LYPD3: variants seen among roughly 807,000 people sequenced by gnomAD.
LYPD3 encodes the protein LY6/PLAUR domain containing 3.
In LYPD3, 22 loss-of-function variants were observed where a neutral mutation model predicts 21.7. The ratio of observed to expected loss-of-function variants is 1.01; its 90% CI spans 0.72 to 1.45. The LOEUF is 1.45. LYPD3 is among the 40% of genes most tolerant of loss of function. The pLI, the probability that LYPD3 is intolerant of heterozygous loss-of-function variation, is 0.00. For synonymous variants in LYPD3, 179 were observed against 203.0 expected, an observed-to-expected ratio of 0.88 and a Z score of 1.00; for missense variants, 471 against 466.9, an observed-to-expected ratio of 1.01 and a Z score of -0.08.
Position 43,463,005 on chromosome 19 carries a change from C to A in LYPD3, c.544+121G>T, listed in dbSNP as rs112592579. On this transcript the variant is annotated intron_variant, in intron 4 of 4. Coordinates refer to ENST00000244333, the MANE Select transcript of LYPD3 (RefSeq NM_014400.3). ...CTACGATACAAGCACCTAGGCCCCA[C>A]GATTCCCAGAATGCGTCGCAGGTTA... 64 of 1,076,040 alleles carry A rather than the reference C, an allele frequency of 5.9e-5. No individual in the cohort carries two copies. The African/African-American group carries it at 8.8e-4, about 15-fold the overall frequency. The allele number at this position is 1,076,040 out of a possible 1,614,324, so 66.7% of individuals were successfully genotyped here.
intron 1 of LYPD3, among the ~76,000 whole-genome samples, chr19:43,464,897 C>T (rs1323237478): frequency 1.3e-5 from 2 of 151,806 alleles, no homozygotes; most frequent in African/African-American, 4.8e-5. Flanking sequence ...CTTCTCTGCC[C>T]AGGACAGGGA....
chr19:43,461,355 A>G lies in LYPD3; in HGVS notation c.1037T>C (p.Leu346Pro). 1 of 1,598,924 alleles carries G rather than the reference A, an allele frequency of 6.3e-7. No individual in the cohort carries two copies. Among genetic ancestry groups the G allele is most frequent in the Non-Finnish European group, 8.5e-7 (1 of 1,171,096 alleles). ...GAAATTTCCAGGTGGAGAAGCTCAC[A>G]GTAGGACACCAGCAGCCACGGCCAA... ...LLLAVAAGVLL is the reference protein window; with the variant it reads ...LLLAVAAGVLP The change falls in exon 5 of 5, where the codon CTG becomes CCG. Residue 346 changes from leucine (L) to proline (P), a missense_variant. Coordinates refer to ENST00000244333, the MANE Select transcript of LYPD3 (RefSeq NM_014400.3).
In LYPD3 at chr19:43,461,815, A is replaced by G; in HGVS notation, c.577T>C (p.Cys193Arg). The G allele has an allele frequency of 6.2e-7, 1 of 1,612,840 alleles. No homozygotes were observed. The highest frequency in any genetic ancestry group is 8.5e-7 in the Non-Finnish European group (1 of 1,178,924). Residue 193 changes from cysteine (C) to arginine (R), a missense_variant, in exon 5 of 5, where the codon TGT becomes CGT. Physicochemically the swap from Cys to Arg is radical, Grantham distance 180. Coordinates refer to ENST00000244333, the MANE Select transcript of LYPD3 (RefSeq NM_014400.3). ...NVTVSLPVRG[C>R]VQDEFCTRDG... ...CGAGTGCAGAATTCATCCTGGACACAGCCCCGGACAGGCAAGGACACAGTC... is the reference window on the plus strand; with the variant it reads ...CGAGTGCAGAATTCATCCTGGACACGGCCCCGGACAGGCAAGGACACAGTC...
chr19:43,463,157 G>A lies in LYPD3; in HGVS notation c.513C>T (p.Gly171=), dbSNP rs1353768766. The A allele has an allele frequency of 6.2e-7, 1 of 1,612,286 alleles. No homozygotes were observed. Among genetic ancestry groups the A allele is most frequent in the South Asian group, 1.1e-5 (1 of 91,086 alleles). Residue 171 remains glycine (G), a synonymous_variant, in exon 4 of 5, where the codon GGC becomes GGT. Transcript: ENST00000244333. ...TCAAGGTGACGTTGCCGTCGAAGCAGCCCTTGTAGACATGATCGCTGGCGT... is the reference window on the plus strand; with the variant it reads ...TCAAGGTGACGTTGCCGTCGAAGCAACCCTTGTAGACATGATCGCTGGCGT... ...CYNASDHVYK[G]CFDGNVTLTA...
Position 43,464,373 on chromosome 19 carries a change from C to T in LYPD3, c.163G>A (p.Ala55Thr). ...TCGGTGCAGACGTCCACGCCCGGCG[C>T]GCACTTCACTGTCTTCATCTTGTTC... ...SPNKMKTVKCAPGVDVCTEAV... is the reference protein window; with the variant it reads ...SPNKMKTVKCTPGVDVCTEAV... The change falls in exon 2 of 5, where the codon GCG becomes ACG. Residue 55 changes from alanine to threonine, a missense_variant. Physicochemically the swap from Ala to Thr is moderately conservative, Grantham distance 58. Coordinates refer to ENST00000244333, the MANE Select transcript of LYPD3 (RefSeq NM_014400.3). The T allele has an allele frequency of 1.2e-6, 2 of 1,613,944 alleles. No individual in the cohort carries two copies. Among genetic ancestry groups the T allele is most frequent in the South Asian group, 2.2e-5 (2 of 91,058 alleles).
rs1448359106 is a variant in LYPD3 at position 43,463,266 on chromosome 19, G to A, written c.404C>T (p.Pro135Leu). 3.1e-6 allele frequency: 5 copies of A among 1,603,654 alleles called. No individual in the cohort carries two copies. The South Asian group carries it at 4.4e-5, about 14-fold the overall frequency. ...ACAGCTGTAGCACTCCACGCCGTTG[G>A]GCGGGTATGCACTCTCATTACCTGC... is the stretch of plus-strand genomic sequence containing the variant. ...DPAGNESAYPPNGVECYSCVG... is the reference protein window; with the variant it reads ...DPAGNESAYPLNGVECYSCVG... Residue 135 changes from proline to leucine, a missense_variant, in exon 4 of 5, where the codon CCC becomes CTC. Coordinates refer to ENST00000244333, the MANE Select transcript of LYPD3 (RefSeq NM_014400.3).
At position 43,461,773 on chromosome 19, in the gene LYPD3, G is replaced by A; in HGVS notation, c.619C>T (p.Pro207Ser). 1 of 1,614,116 alleles carries A rather than the reference G, an allele frequency of 6.2e-7. No homozygotes were observed. Among genetic ancestry groups the A allele is most frequent in the Non-Finnish European group, 8.5e-7 (1 of 1,180,012 alleles). Reference sequence around the variant, plus strand: ...CAGGAGCCACTGAGCGTGAACCCTGGGCCTGTTACTCCATCCCGAGTGCAG... The same window carrying A: ...CAGGAGCCACTGAGCGTGAACCCTGAGCCTGTTACTCCATCCCGAGTGCAG... ...EFCTRDGVTGPGFTLSGSCCQ... is the reference protein window; with the variant it reads ...EFCTRDGVTGSGFTLSGSCCQ... Residue 207 changes from proline (P) to serine (S), a missense_variant, in exon 5 of 5, where the codon CCA becomes TCA. Transcript: ENST00000244333.
chr19:43,463,773 G>C lies in LYPD3; in HGVS notation c.212-4C>G. The stretch of plus-strand genomic sequence containing the variant: ...GCCAGCGAGAATTGTCCGTGGACTA[G>C]GGAGAGGGACAAGGGCGGGATTAGC... On this transcript the variant is annotated splice_polypyrimidine_tract_variant and splice_region_variant and intron_variant, in intron 2 of 4. Transcript: ENST00000244333. 2 of 1,612,504 alleles carry C rather than the reference G, an allele frequency of 1.2e-6. No individual in the cohort carries two copies. The highest frequency in any genetic ancestry group is 2.2e-5 in the South Asian group (2 of 91,076).
At chr19:43,461,885 GGA>G in intron 4 of LYPD3, 38 bp from the exon 5 acceptor site, 1 of 1,581,700 alleles carries the variant, frequency 6.3e-7, no homozygotes, top group Middle Eastern at 1.7e-4. Context: ...GTGGCTGGAG[GGA>G]GAGAGGTTGA....
At chr19:43,464,188 A>G in intron 2 of LYPD3, 137 bp downstream of exon 2, 1 of 1,162,540 alleles carries the variant, frequency 8.6e-7, no homozygotes, top group South Asian at 1.5e-5. Flanking sequence ...GCTGTGTCGT[A>G]GGGTCCCGGC....
At position 43,464,374 on chromosome 19, in the gene LYPD3, G is replaced by A; in HGVS notation, c.162C>T (p.Cys54=). 1 of 1,613,888 alleles carries A rather than the reference G, an allele frequency of 6.2e-7. No individual in the cohort carries two copies. Among genetic ancestry groups the A allele is most frequent in the Non-Finnish European group, 8.5e-7 (1 of 1,179,976 alleles). ...CSPNKMKTVK[C]APGVDVCTEA... is the part of the protein sequence containing the mutation. ...CGGTGCAGACGTCCACGCCCGGCGC[G>A]CACTTCACTGTCTTCATCTTGTTCG... The change falls in exon 2 of 5, where the codon TGC becomes TGT. Residue 54 remains cysteine (C), a synonymous_variant. Coordinates refer to ENST00000244333, the MANE Select transcript of LYPD3 (RefSeq NM_014400.3).
At position 43,461,459 on chromosome 19, in the gene LYPD3, C is replaced by T; in HGVS notation, c.933G>A (p.Gln311=). ...GCTGGGGCCCCCCTTTTGCAGGATACTGCCCTGAATTGCTGCGGTCCTGGT... is the reference window on the plus strand; with the variant it reads ...GCTGGGGCCCCCCTTTTGCAGGATATTGCCCTGAATTGCTGCGGTCCTGGT... ...AGHQDRSNSG[Q]YPAKGGPQQP... The change falls in exon 5 of 5, where the codon CAG becomes CAA. Residue 311 remains glutamine, a synonymous_variant. Coordinates refer to ENST00000244333, the MANE Select transcript of LYPD3 (RefSeq NM_014400.3). 1 of 1,614,186 alleles carries T rather than the reference C, an allele frequency of 6.2e-7. No homozygotes were observed. The highest frequency in any genetic ancestry group is 1.3e-5 in the African/African-American group (1 of 75,056).
At chr19:43,461,938 A>G (rs1352699567) in intron 4 of LYPD3, 91 bp from the exon 5 acceptor site, 14 of 1,432,830 alleles carry the variant, frequency 9.8e-6, no homozygotes, top group Non-Finnish European at 1.3e-5. Context: ...ACAAGAACAG[A>G]GAACCTGACC....
At chr19:43,463,395 G>A in intron 3 of LYPD3, 108 bp from the exon 4 acceptor site, 1 of 1,402,500 alleles carries the variant, frequency 7.1e-7, no homozygotes, top group South Asian at 1.2e-5. Flanking sequence ...CGATGACCCC[G>A]CCTACTAGTA....
chr19:43,463,361 C>A (rs577733950), intron 3 of LYPD3, 74 bp from the exon 4 acceptor site: 1 of 1,534,210 alleles, frequency 6.5e-7, no homozygotes, highest in East Asian at 2.3e-5. Context: ...TAGCCCCGCC[C>A]CTAAGGCCTG....
chr19:43,463,289 T>C lies in LYPD3; in HGVS notation c.383-2A>G. ...TGGGCGGGTATGCACTCTCATTACC[T>C]GCGAGGGGAGCCGAGAGGAAGAAAA... On this transcript the variant is annotated splice_acceptor_variant, in intron 3 of 4. Coordinates refer to ENST00000244333, the MANE Select transcript of LYPD3 (RefSeq NM_014400.3). LOFTEE classifies it high-confidence loss of function. 1 of 1,600,882 alleles carries C rather than the reference T, an allele frequency of 6.2e-7. No homozygotes were observed. Among genetic ancestry groups the C allele is most frequent in the South Asian group, 1.1e-5 (1 of 91,082 alleles).
At chr19:43,465,459 C>T in intron 1 of LYPD3, 34 bp downstream of exon 1, 1 of 1,603,528 alleles carries the variant, frequency 6.2e-7, no homozygotes, top group Non-Finnish European at 8.5e-7. Flanking sequence ...AGCCCCCACT[C>T]TACCCCCTCC....
In LYPD3 at chr19:43,465,488, C is replaced by T; in HGVS notation, c.79+5G>A. 6.2e-7 allele frequency: 1 copy of T among 1,608,736 alleles called. No individual in the cohort carries two copies. The highest frequency in any genetic ancestry group is 8.5e-7 in the Non-Finnish European group (1 of 1,179,908). ...CCCCTCCACCTCTCCGGGCAGCAGA[C>T]CCACCTCCGCGAAGCAGCAGCAGCA... On this transcript the variant is annotated splice_donor_5th_base_variant and intron_variant, in intron 1 of 4. Coordinates refer to ENST00000244333, the MANE Select transcript of LYPD3 (RefSeq NM_014400.3).
intron 3 of LYPD3, 89 bp downstream of exon 3, chr19:43,463,510 G>A: frequency 1.3e-6 from 2 of 1,500,146 alleles, no homozygotes; most frequent in Non-Finnish European, 1.8e-6. Context: ...CCCAGGTCGA[G>A]TACTCCCGCC....
Sources: allele counts gnomAD v4.1 joint callset (sites outside exome capture counted in the v4.1 genomes callset), GRCh38; gene constraint gnomAD v4.1.1; transcripts MANE v1.5; gene names NCBI Gene and HGNC (gene_info 2026-07-23, HGNC 2026-07-21).